PDE4D: variants seen among roughly 807,000 people sequenced by gnomAD.
The protein encoded by PDE4D is 3',5'-cyclic-AMP phosphodiesterase 4D.
Under a neutral mutation model 87.4 loss-of-function variants are expected in PDE4D, and 24 were observed. That is an observed-to-expected ratio of 0.27 (90% CI 0.20 to 0.39). The LOEUF (loss-of-function observed/expected upper bound fraction) is 0.39, where lower values mean the gene tolerates loss of function less well. Ranked by LOEUF, PDE4D falls within the 10% of genes least tolerant of loss-of-function variation. The pLI is 1.00. For missense variants in PDE4D, 714 were observed against 1,041.0 expected (o/e 0.69, Z 4.32); for synonymous variants, 384 against 383.2 (o/e 1.00, Z -0.02).
At chr5:59,208,997 C>A (rs920604328) in intron 2 of PDE4D, among the ~76,000 whole-genome samples, 3 of 152,114 alleles carry the variant, frequency 2.0e-5, no homozygotes, top group African/African-American at 7.2e-5. Context: ...CTATCTAGGT[C>A]ATTACCAAAA....
At chr5:59,155,018 C>A (rs1350154064) in intron 5 of PDE4D, among the ~76,000 whole-genome samples, 1 of 152,146 alleles carries the variant, frequency 6.6e-6, no homozygotes, top group Non-Finnish European at 1.5e-5. Context: ...GTGAGTCCAG[C>A]TCTGGACATA....
At chr5:60,351,584 T>A (rs545852731) in intron 1 of PDE4D, among the ~76,000 whole-genome samples, 46 of 152,192 alleles carry the variant, frequency 3.0e-4, no homozygotes, top group Middle Eastern at 3.4e-3. Context: ...AGAAGGAAAT[T>A]GGGTCCATGA....
intron 2 of PDE4D, among the ~76,000 whole-genome samples, chr5:59,992,973 T>C (rs1389368347): frequency 6.6e-6 from 1 of 152,206 alleles, no homozygotes; most frequent in African/African-American, 2.4e-5. Context: ...TAAATGCCTT[T>C]ATTTTGGAGA....
chr5:59,498,641 G>GA (rs1260724767), intron 1 of PDE4D, among the ~76,000 whole-genome samples: 1 of 151,556 alleles, frequency 6.6e-6, no homozygotes, highest in Non-Finnish European at 1.5e-5. Flanking sequence ...TCTAATATCA[G>GA]AAAAAATAGA....
chr5:60,172,483 A>G lies in PDE4D; in HGVS notation c.42+13074T>C, dbSNP rs115536421. 5.4e-3 allele frequency among the ~76,000 whole-genome samples: 823 copies of G among 152,120 alleles called. 11 individuals are homozygous for G. The highest frequency in any genetic ancestry group is 0.019 in the African/African-American group (768 of 41,482). ...CAGCTTCCTCTGCACAGTTGTTCCA[A>G]TTCCACAGCAATCATTGCTTTCACT... On this transcript the variant is annotated intron_variant, in intron 2 of 16. Transcript: ENST00000502484.
At position 59,543,643 on chromosome 5, in the gene PDE4D, G is replaced by C. The variant is rs78448036; in HGVS notation, c.456-327675C>G. On this transcript the variant is annotated intron_variant, in intron 1 of 14. Coordinates refer to ENST00000340635, the MANE Select transcript of PDE4D (RefSeq NM_001104631.2). ...CCAGCTGCTGGGACTTTTCTGGCTA[G>C]GCATCCTTCCCAGTGGTCACAAGTC... Among the ~76,000 whole-genome samples, 32 of 152,220 alleles carry C rather than the reference G, an allele frequency of 2.1e-4. No individual in the cohort carries two copies. In the East Asian group the frequency reaches 6.0e-3, roughly 29 times the overall value.
intron 1 of PDE4D, among the ~76,000 whole-genome samples, chr5:60,283,342 G>T (rs943226987): frequency 1.3e-5 from 2 of 151,834 alleles, no homozygotes; most frequent in African/African-American, 4.8e-5. Flanking sequence ...TCAATTTCAG[G>T]TTTTACTCAT....
chr5:59,613,162 G>C (rs189415429), intron 1 of PDE4D, among the ~76,000 whole-genome samples: 13 of 152,236 alleles, frequency 8.5e-5, no homozygotes, highest in Admixed American at 8.5e-4. Context: ...TGAGAAATGG[G>C]CAAATTCTGG....
intron 1 of PDE4D, among the ~76,000 whole-genome samples, chr5:59,307,856 A>G (rs1401230730): frequency 1.3e-5 from 2 of 152,068 alleles, no homozygotes; most frequent in African/African-American, 4.8e-5. Flanking sequence ...CCATCCCATT[A>G]CCGGGTATAT....
At chr5:60,359,575 T>G (rs1561162345) in intron 1 of PDE4D, among the ~76,000 whole-genome samples, 1 of 152,198 alleles carries the variant, frequency 6.6e-6, no homozygotes, top group Non-Finnish European at 1.5e-5. Flanking sequence ...CCTATTTATG[T>G]CTTATTCTTA....
intron 5 of PDE4D, among the ~76,000 whole-genome samples, chr5:59,119,920 T>C (rs989141139): frequency 6.6e-6 from 1 of 152,148 alleles, no homozygotes; most frequent in African/African-American, 2.4e-5. Flanking sequence ...TCATGGCTCA[T>C]TGTAACCTCA....
intron 1 of PDE4D, among the ~76,000 whole-genome samples, chr5:60,223,342 G>A (rs55826491): frequency 0.027 from 4,089 of 152,202 alleles, 65 homozygotes; most frequent in South Asian, 0.085. Flanking sequence ...GGTCACATTA[G>A]AAGGAAATCA....
chr5:59,519,618 T>C (rs1178913919), intron 1 of PDE4D, among the ~76,000 whole-genome samples: 1 of 152,146 alleles, frequency 6.6e-6, no homozygotes, highest in African/African-American at 2.4e-5. Flanking sequence ...GCGGTAGACA[T>C]AGATCATGTA....
intron 1 of PDE4D, among the ~76,000 whole-genome samples, chr5:60,374,885 A>G (rs1482453422): frequency 1.3e-5 from 2 of 152,290 alleles, no homozygotes; most frequent in African/African-American, 4.8e-5. Flanking sequence ...ATATATATGT[A>G]TACGTATATT....
At chr5:59,454,217 G>A (rs1367057604) in intron 1 of PDE4D, among the ~76,000 whole-genome samples, 1 of 152,184 alleles carries the variant, frequency 6.6e-6, no homozygotes, top group Non-Finnish European at 1.5e-5. Context: ...TCATCCAAGA[G>A]TTCTGATGGA....
At chr5:59,441,624 T>C (rs1293805060) in intron 1 of PDE4D, among the ~76,000 whole-genome samples, 2 of 152,180 alleles carry the variant, frequency 1.3e-5, no homozygotes, top group Non-Finnish European at 2.9e-5. Flanking sequence ...GATATGACGA[T>C]TGCAGGGCAC....
intron 1 of PDE4D, among the ~76,000 whole-genome samples, chr5:59,543,649 C>T (rs1286286516): frequency 6.6e-6 from 1 of 152,048 alleles, no homozygotes; most frequent in African/African-American, 2.4e-5. Flanking sequence ...GCTAGGCATC[C>T]TTCCCAGTGG....
intron 1 of PDE4D, among the ~76,000 whole-genome samples, chr5:59,429,894 A>G (rs1795864396): frequency 6.6e-6 from 1 of 152,190 alleles, no homozygotes; most frequent in Admixed American, 6.6e-5. Flanking sequence ...CATTTATTGC[A>G]TTAATGTGTT....
intron 1 of PDE4D, among the ~76,000 whole-genome samples, chr5:59,853,040 C>T (rs1161081744): frequency 6.6e-6 from 1 of 152,090 alleles, no homozygotes; most frequent in Non-Finnish European, 1.5e-5. Context: ...ATATTTAACA[C>T]TCCCTTAACA....
Sources: gnomAD v4.1 joint callset for allele counts (sites outside exome capture counted in the v4.1 genomes callset) on GRCh38, gnomAD v4.1.1 for gene constraint, MANE v1.5 for transcripts, NCBI Gene and HGNC (gene_info 2026-07-23, HGNC 2026-07-21) for gene names.